Variants in WWOX observed in about 807,000 individuals in gnomAD.
WWOX encodes the protein WW domain containing oxidoreductase.
A neutral mutation model predicts 46.2 loss-of-function variants in WWOX; 69 were observed. The observed-to-expected ratio is 1.49, with a 90% CI of 1.23 to 1.82. The LOEUF is 1.82. WWOX is among the 40% of genes most tolerant of loss of function. The pLI, the probability that WWOX is intolerant of heterozygous loss-of-function variation, is 0.00. For synonymous variants in WWOX, 359 were observed against 202.6 expected, an observed-to-expected ratio of 1.77 and a Z score of -6.56; for missense variants, 919 against 542.6, an observed-to-expected ratio of 1.69 and a Z score of -6.89.
chr16:78,358,672 ATG>A (rs59222504), intron 5 of WWOX, among the ~76,000 whole-genome samples: 20,586 of 151,316 alleles, frequency 0.14, 1,625 homozygotes, highest in East Asian at 0.29. Flanking sequence ...AATAAATAAT[ATG>A]TGTGTGTGTG....
intron 8 of WWOX, among the ~76,000 whole-genome samples, chr16:78,678,810 C>T (rs1174605254): frequency 1.3e-5 from 2 of 152,040 alleles, no homozygotes; most frequent in Admixed American, 6.5e-5. Context: ...TACATGCATC[C>T]CCTCATTGAC....
intron 5 of WWOX, among the ~76,000 whole-genome samples, chr16:78,229,887 C>CT (rs1046692366): frequency 7.3e-5 from 11 of 151,372 alleles, no homozygotes; most frequent in African/African-American, 1.2e-4. Flanking sequence ...ATCTTTCTTT[C>CT]TTTTTTTTTC....
intron 8 of WWOX, among the ~76,000 whole-genome samples, chr16:78,969,635 G>A (rs1193369881): frequency 6.6e-6 from 1 of 152,168 alleles, no homozygotes; most frequent in Non-Finnish European, 1.5e-5. Flanking sequence ...CATGCAAGGT[G>A]CTGTTTATGA....
chr16:78,901,324 T>C (rs981355984), intron 8 of WWOX, among the ~76,000 whole-genome samples: 1 of 152,246 alleles, frequency 6.6e-6, no homozygotes, highest in African/African-American at 2.4e-5. Flanking sequence ...ATGAAAGCTT[T>C]AGAATATCCA....
chr16:78,344,088 C>T lies in WWOX; in HGVS notation c.517-42772C>T, dbSNP rs1304103921. On this transcript the variant is annotated intron_variant, in intron 5 of 8. Transcript: ENST00000566780. ...CCAGAATGCCATTATTCTTCGTCAC[C>T]ACGGTCAGGTATATCATCCTAAGGG... Among the ~76,000 whole-genome samples the T allele has an allele frequency of 7.6e-5, 9 of 118,706 alleles. 2 individuals are homozygous for T. Among genetic ancestry groups the T allele is most frequent in the Admixed American group, 2.5e-4 (3 of 12,070 alleles). The allele number at this position is 118,706 out of a possible 152,430, so 77.9% of individuals were successfully genotyped here.
chr16:79,028,528 C>G (rs781580774), intron 8 of WWOX, among the ~76,000 whole-genome samples: 7 of 151,622 alleles, frequency 4.6e-5, no homozygotes, highest in Non-Finnish European at 5.9e-5. Flanking sequence ...CTTCCTCTCC[C>G]TCCCTCCCAT....
At chr16:78,995,700 G>C (rs2151355045) in intron 8 of WWOX, among the ~76,000 whole-genome samples, 1 of 152,308 alleles carries the variant, frequency 6.6e-6, no homozygotes, top group African/African-American at 2.4e-5. Context: ...GACTGGTAAA[G>C]TGTGAAGAAC....
intron 8 of WWOX, among the ~76,000 whole-genome samples, chr16:78,851,540 C>T (rs550230358): frequency 1.3e-3 from 203 of 152,270 alleles, no homozygotes; most frequent in Non-Finnish European, 2.2e-3. Context: ...CTGTATTGCA[C>T]GTTTGTGTTT....
intron 8 of WWOX, among the ~76,000 whole-genome samples, chr16:78,938,426 C>A (rs1013253241): frequency 6.6e-6 from 1 of 151,544 alleles, no homozygotes; most frequent in Non-Finnish European, 1.5e-5. Flanking sequence ...AGCTTGAGGA[C>A]CTTTGTGTGA....
chr16:78,889,370 C>A (rs945601784), intron 8 of WWOX, among the ~76,000 whole-genome samples: 1 of 111,174 alleles, frequency 9.0e-6, no homozygotes, highest in African/African-American at 3.5e-5. Flanking sequence ...CCGATTTATA[C>A]TATGGATCAG....
chr16:78,195,107 C>T (rs1441108176), intron 5 of WWOX, among the ~76,000 whole-genome samples: 1 of 152,186 alleles, frequency 6.6e-6, no homozygotes, highest in Non-Finnish European at 1.5e-5. Context: ...CCAGTCCTGC[C>T]AAGCTGTTCC....
chr16:78,489,227 G>A (rs1312463394), intron 8 of WWOX, among the ~76,000 whole-genome samples: 3 of 152,158 alleles, frequency 2.0e-5, no homozygotes, highest in Admixed American at 6.5e-5. Context: ...TGAAGAGTTA[G>A]GTCAAGTGAG....
intron 8 of WWOX, among the ~76,000 whole-genome samples, chr16:79,007,789 T>A (rs1416581256): frequency 6.6e-6 from 1 of 152,180 alleles, no homozygotes; most frequent in Non-Finnish European, 1.5e-5. Context: ...TATTTAATAT[T>A]TATCATTGAC....
intron 8 of WWOX, among the ~76,000 whole-genome samples, chr16:78,700,643 C>T (rs1174539452): frequency 1.3e-5 from 2 of 152,168 alleles, no homozygotes; most frequent in African/African-American, 4.8e-5. Flanking sequence ...CCTCACTGTG[C>T]CATCATATTA....
chr16:78,418,910 C>T (rs577335409), intron 6 of WWOX, among the ~76,000 whole-genome samples: 1 of 151,980 alleles, frequency 6.6e-6, no homozygotes, highest in Non-Finnish European at 1.5e-5. Flanking sequence ...ACTCTCATCA[C>T]TTTAATATTC....
At chr16:78,785,392 G>A (rs745441235) in intron 8 of WWOX, among the ~76,000 whole-genome samples, 5 of 152,182 alleles carry the variant, frequency 3.3e-5, no homozygotes, top group Non-Finnish European at 7.3e-5. Flanking sequence ...GAGGACCCAA[G>A]GTGGTCTCAC....
chr16:79,008,669 A>C (rs2047239366), intron 8 of WWOX, among the ~76,000 whole-genome samples: 1 of 152,132 alleles, frequency 6.6e-6, no homozygotes, highest in Non-Finnish European at 1.5e-5. Context: ...ACCAGGTCAT[A>C]CTGATGTCAC....
chr16:78,588,353 G>A (rs1053305163), intron 8 of WWOX, among the ~76,000 whole-genome samples: 9 of 152,146 alleles, frequency 5.9e-5, no homozygotes, highest in African/African-American at 7.2e-5. Flanking sequence ...ATTTATTGAG[G>A]CTGCCTTTGG....
intron 8 of WWOX, among the ~76,000 whole-genome samples, chr16:78,966,746 G>T (rs1235655273): frequency 6.6e-6 from 1 of 152,162 alleles, no homozygotes; most frequent in Non-Finnish European, 1.5e-5. Context: ...TTCATGGTCT[G>T]CTGATATCAC....
Sources: gnomAD v4.1 joint callset for allele counts (sites outside exome capture counted in the v4.1 genomes callset) on GRCh38, gnomAD v4.1.1 for gene constraint, MANE v1.5 for transcripts, NCBI Gene and HGNC (gene_info 2026-07-23, HGNC 2026-07-21) for gene names.